Variants in OR56A1 observed in about 807,000 individuals in gnomAD.
The protein encoded by OR56A1 is olfactory receptor family 56 subfamily A member 1, also known as olfactory receptor 56A1.
For synonymous variants in OR56A1, 174 were observed against 159.1 expected (o/e 1.09, Z -0.70); for missense variants, 360 against 380.9 (o/e 0.94, Z 0.46).
Position 6,027,668 on chromosome 11 carries a change from T to C in OR56A1, c.25A>G (p.Thr9Ala), listed in dbSNP as rs369873369. Residue 9 changes from threonine (T) to alanine (A), a missense_variant, in exon 2 of 2, where the codon ACT becomes GCT. Physicochemically the swap from Thr to Ala is moderately conservative, Grantham distance 58. Transcript: ENST00000641900. MASPSNSS[T>A]VPVSEFLLIC... ...AGGAGGAATTCAGAGACTGGGACAG[T>C]GGAGCTGTTGCTGGGTGACGCCATA... 40 of 1,599,346 alleles carry C rather than the reference T, an allele frequency of 2.5e-5. No homozygotes were observed. Among genetic ancestry groups the C allele is most frequent in the Middle Eastern group, 3.4e-4 (2 of 5,968 alleles).
rs767482514 is a variant in OR56A1 at position 6,027,093 on chromosome 11, G to C, written c.600C>G (p.Ile200Met). 1.3e-5 allele frequency: 21 copies of C among 1,614,084 alleles called. No homozygotes were observed. The highest frequency in any genetic ancestry group is 5.0e-5 in the Admixed American group (3 of 60,012). ...LSCDNFTLNR[I>M]YQFVAGWTLL... ...AGGTCCAACCAGCCACAAATTGGTA[G>C]ATTCTGTTAAGGGTGAAATTATCAC... Residue 200 changes from isoleucine (I) to methionine (M), a missense_variant, in exon 2 of 2, where the codon ATC (isoleucine) becomes ATG (methionine). Coordinates refer to ENST00000641900, the MANE Select transcript of OR56A1 (RefSeq NM_001388488.1).
chr11:6,021,229 C>T lies in OR56A1; in HGVS notation c.*5519G>A, dbSNP rs1386469308. 5 of 151,928 alleles carry T rather than the reference C, an allele frequency of 3.3e-5. No homozygotes were observed. Among genetic ancestry groups the T allele is most frequent in the African/African-American group, 1.2e-4 (5 of 41,386 alleles). 9.4% of individuals were successfully genotyped at this position (151,928 alleles called of 1,614,324 possible). ...TCGAGGGGGTTTATTGCCAAAGAAA[C>T]ATGAACTTGACTTTTGAAGAAAGTT... On this transcript the variant is annotated 3_prime_UTR_variant, in exon 2 of 2. Transcript: ENST00000641900.
In OR56A1 at chr11:6,024,287, C is replaced by T. The variant is rs1197747476; in HGVS notation, c.*2461G>A. 1.3e-5 allele frequency: 2 copies of T among 152,248 alleles called. No individual in the cohort carries two copies. Among genetic ancestry groups the T allele is most frequent in the South Asian group, 2.1e-4 (1 of 4,834 alleles). 9.4% of individuals were successfully genotyped at this position (152,248 alleles called of 1,614,324 possible). A position where few individuals can be genotyped will look rare whatever the true frequency, so the allele number is the denominator to read the frequency against. On this transcript the variant is annotated 3_prime_UTR_variant, in exon 2 of 2. Transcript: ENST00000641900. ...TCCCTCCATCCTTTACAAATCCCTACAACAAAGTTGGTAGTTTCTATCCCT... is the reference window on the plus strand; with the variant it reads ...TCCCTCCATCCTTTACAAATCCCTATAACAAAGTTGGTAGTTTCTATCCCT...
In OR56A1 at chr11:6,027,488, G is replaced by C; in HGVS notation, c.205C>G (p.Leu69Val). The C allele has an allele frequency of 6.2e-7, 1 of 1,614,178 alleles. No individual in the cohort carries two copies. The highest frequency in any genetic ancestry group is 2.2e-5 in the East Asian group (1 of 44,878). The change falls in exon 2 of 2, where the codon CTC becomes GTC. Residue 69 changes from leucine to valine, a missense_variant. By Grantham distance (32) the Leu-to-Val change is conservative. Coordinates refer to ENST00000641900, the MANE Select transcript of OR56A1 (RefSeq NM_001388488.1). Reference protein sequence around the residue: ...HQPLYYLLSLLSLLDIVLCLT... With the variant: ...HQPLYYLLSLVSLLDIVLCLT... ...CAGAGCACGATGTCCAGCAGGGAGA[G>C]GAGGCTGAGCAGGTAGTACAGGGGC...
At position 6,021,642 on chromosome 11, in the gene OR56A1, T is replaced by C. The variant is rs978241163; in HGVS notation, c.*5106A>G. ...GTCACATTGTTCGATGCCTGCTTCA[T>C]TTAGGATAATGGGAACATTAATAAA... On this transcript the variant is annotated 3_prime_UTR_variant, in exon 2 of 2. Transcript: ENST00000641900. The C allele has an allele frequency of 2.0e-5, 3 of 151,624 alleles. No homozygotes were observed. Among genetic ancestry groups the C allele is most frequent in the African/African-American group, 7.3e-5 (3 of 41,342 alleles). 9.4% of individuals were successfully genotyped at this position (151,624 alleles called of 1,614,324 possible).
intron 1 of OR56A1, among the ~76,000 whole-genome samples, chr11:6,029,286 A>G (rs1848489964): frequency 6.6e-6 from 1 of 152,194 alleles, no homozygotes; most frequent in African/African-American, 2.4e-5. Context: ...AAATTTATAT[A>G]AAATTTTGTA....
Position 6,027,368 on chromosome 11 carries a change from T to C in OR56A1, c.325A>G (p.Ser109Gly), listed in dbSNP as rs1420173267. Residue 109 changes from serine to glycine, a missense_variant, in exon 2 of 2, where the codon AGT (serine) becomes GGT (glycine). Physicochemically the swap from Ser to Gly is moderately conservative, Grantham distance 56. Coordinates refer to ENST00000641900, the MANE Select transcript of OR56A1 (RefSeq NM_001388488.1). ...GTGCAGGACTCCATGGGGAGGAAAC[T>C]GTTCATGATGAACATCTGGAGGAAG... ...ACFLQMFIMNSFLPMESCTFM... is the reference protein window; with the variant it reads ...ACFLQMFIMNGFLPMESCTFM... 1.2e-6 allele frequency: 2 copies of C among 1,614,130 alleles called. No individual in the cohort carries two copies. The highest frequency in any genetic ancestry group is 1.1e-5 in the South Asian group (1 of 91,090).
At position 6,027,596 on chromosome 11, in the gene OR56A1, G is replaced by A. The variant is rs758522384; in HGVS notation, c.97C>T (p.Pro33Ser). The change falls in exon 2 of 2, where the codon CCC becomes TCC. Residue 33 changes from proline to serine, a missense_variant. Coordinates refer to ENST00000641900, the MANE Select transcript of OR56A1 (RefSeq NM_001388488.1). ...GCCAGGAGGAAGAGAAGGCTGAGGGGCAGGGAGAGCCAGTGCTGCCAACTC... is the reference window on the plus strand; with the variant it reads ...GCCAGGAGGAAGAGAAGGCTGAGGGACAGGGAGAGCCAGTGCTGCCAACTC... ...FQSWQHWLSLPLSLLFLLAMG... is the reference protein window; with the variant it reads ...FQSWQHWLSLSLSLLFLLAMG... 5.7e-5 allele frequency: 92 copies of A among 1,614,008 alleles called. No individual in the cohort carries two copies. The highest frequency in any genetic ancestry group is 7.7e-5 in the Non-Finnish European group (91 of 1,179,992).
Position 6,027,393 on chromosome 11 carries a change from G to C in OR56A1, c.300C>G (p.Cys100Trp), listed in dbSNP as rs1848463993. 1.2e-6 allele frequency: 2 copies of C among 1,614,236 alleles called. No individual in the cohort carries two copies. The highest frequency in any genetic ancestry group is 1.3e-5 in the African/African-American group (1 of 75,066). Residue 100 changes from cysteine (C) to tryptophan (W), a missense_variant, in exon 2 of 2, where the codon TGC (cysteine) becomes TGG (tryptophan). Coordinates refer to ENST00000641900, the MANE Select transcript of OR56A1 (RefSeq NM_001388488.1). ...TGTTCATGATGAACATCTGGAGGAA[G>C]CAGGCAGGGAAGCTGATCGACCTAA... Reference protein sequence around the residue: ...YDLRSISFPACFLQMFIMNSF... With the variant: ...YDLRSISFPAWFLQMFIMNSF...
In OR56A1 at chr11:6,023,301, C is replaced by T. The variant is rs1229722828; in HGVS notation, c.*3447G>A. On this transcript the variant is annotated 3_prime_UTR_variant, in exon 2 of 2. Coordinates refer to ENST00000641900, the MANE Select transcript of OR56A1 (RefSeq NM_001388488.1). ...AACTCTCACTGCCTAGAATATACACCAAAGCATAATAAAGTATCAGGATGG... is the reference window on the plus strand; with the variant it reads ...AACTCTCACTGCCTAGAATATACACTAAAGCATAATAAAGTATCAGGATGG... The T allele has an allele frequency of 6.6e-6, 1 of 152,152 alleles. No individual in the cohort carries two copies. The highest frequency in any genetic ancestry group is 1.5e-5 in the Non-Finnish European group (1 of 68,030). 9.4% of individuals were successfully genotyped at this position (152,152 alleles called of 1,614,324 possible).
chr11:6,032,128 G>C (rs780113547), upstream of OR56A1, among the ~76,000 whole-genome samples: 1 of 152,168 alleles, frequency 6.6e-6, no homozygotes, highest in African/African-American at 2.4e-5. Flanking sequence ...GGTAGCAACA[G>C]AAACCAGAAT....
rs769288072 is a variant in OR56A1, at chr11:6,027,066, C to G, written c.627G>C (p.Leu209Phe). 1 of 1,614,216 alleles carries G rather than the reference C, an allele frequency of 6.2e-7. No individual in the cohort carries two copies. The highest frequency in any genetic ancestry group is 8.5e-7 in the Non-Finnish European group (1 of 1,180,036). The change falls in exon 2 of 2, where the codon TTG becomes TTC. Residue 209 changes from leucine to phenylalanine, a missense_variant. By Grantham distance (22) the Leu-to-Phe change is conservative. Coordinates refer to ENST00000641900, the MANE Select transcript of OR56A1 (RefSeq NM_001388488.1). ...RIYQFVAGWT[L>F]LGSDLFLIFL... is the part of the protein sequence containing the mutation. The stretch of plus-strand genomic sequence containing the variant: ...AGATGAGGAATAAATCTGAGCCCAG[C>G]AAGGTCCAACCAGCCACAAATTGGT...
Position 6,027,701 on chromosome 11 carries a change from T to C in OR56A1, c.-9A>G, listed in dbSNP as rs373854422. 1.3e-6 allele frequency: 2 copies of C among 1,568,920 alleles called. No homozygotes were observed. The highest frequency in any genetic ancestry group is 2.7e-5 in the African/African-American group (2 of 73,736). Reference sequence around the variant, plus strand: ...TTGCTGGGTGACGCCATAGGCTGAATCATGAGCTGAGTAGGCTTCTGATGA... The same window carrying C: ...TTGCTGGGTGACGCCATAGGCTGAACCATGAGCTGAGTAGGCTTCTGATGA... On this transcript the variant is annotated 5_prime_UTR_variant, in exon 2 of 2. Transcript: ENST00000641900.
chr11:6,026,664 CACTA>C lies in OR56A1; in HGVS notation c.*80_*83del. On this transcript the variant is annotated 3_prime_UTR_variant, in exon 2 of 2. Coordinates refer to ENST00000641900, the MANE Select transcript of OR56A1 (RefSeq NM_001388488.1). ...AGCCTCAGTGCATGCAATAAACACT[CACTA>C]ACTGACATTTCTCTACTTCGCTGCC... 3.6e-6 allele frequency: 3 copies of C among 826,896 alleles called. No individual in the cohort carries two copies. 51.2% of individuals were successfully genotyped at this position (826,896 alleles called of 1,614,324 possible).
rs1380630308 is a variant in OR56A1 at position 6,027,732 on chromosome 11, T to A, written c.-34-6A>T. 4.9e-6 allele frequency: 7 copies of A among 1,441,120 alleles called. No homozygotes were observed. The highest frequency in any genetic ancestry group is 6.6e-6 in the Non-Finnish European group (7 of 1,062,422). The allele number at this position is 1,441,120 out of a possible 1,614,324, so 89.3% of individuals were successfully genotyped here. ...GCTGAGTAGGCTTCTGATGACTATGTTTATGGGCAGATACAAGAGGTTATT... is the reference window on the plus strand; with the variant it reads ...GCTGAGTAGGCTTCTGATGACTATGATTATGGGCAGATACAAGAGGTTATT... On this transcript the variant is annotated splice_polypyrimidine_tract_variant and splice_region_variant and intron_variant, in intron 1 of 1. Coordinates refer to ENST00000641900, the MANE Select transcript of OR56A1 (RefSeq NM_001388488.1).
At chr11:6,032,611 A>G (rs1564817669), upstream of OR56A1, among the ~76,000 whole-genome samples, 1 of 152,136 alleles carries the variant, frequency 6.6e-6, no homozygotes, top group Non-Finnish European at 1.5e-5. Flanking sequence ...GCTGAGGGGC[A>G]GTTCTGATCA....
In OR56A1 at chr11:6,027,306, G is replaced by T; in HGVS notation, c.387C>A (p.Ile129=). 1.2e-6 allele frequency: 2 copies of T among 1,614,226 alleles called. No homozygotes were observed. Among genetic ancestry groups the T allele is most frequent in the East Asian group, 2.2e-5 (1 of 44,886 alleles). The change falls in exon 2 of 2, where the codon ATC becomes ATA. Residue 129 remains isoleucine, a synonymous_variant. Transcript: ENST00000641900. ...TGGATGGGTACCGCAGTGGGTGGCAGATGGCCACATAACGGTCATAGGCCA... is the reference window on the plus strand; with the variant it reads ...TGGATGGGTACCGCAGTGGGTGGCATATGGCCACATAACGGTCATAGGCCA... The part of the protein sequence containing the change: ...MVMAYDRYVA[I]CHPLRYPSII...
rs139301829 is a variant in OR56A1, at chr11:6,026,986, G to A, written c.707C>T (p.Ala236Val). Reference sequence around the variant, plus strand: ...ACATGTGCTCAGGGCCTTCACTGCCGCCCCCTCTGCTTTGAATCTAAGCAC... The same window carrying A: ...ACATGTGCTCAGGGCCTTCACTGCCACCCCCTCTGCTTTGAATCTAAGCAC... Reference protein sequence around the residue: ...RAVLRFKAEGAAVKALSTCGS... With the variant: ...RAVLRFKAEGVAVKALSTCGS... The change falls in exon 2 of 2, where the codon GCG (alanine) becomes GTG (valine). Residue 236 changes from alanine (A) to valine (V), a missense_variant. By Grantham distance (64) the Ala-to-Val change is moderately conservative (BLOSUM62 0). Transcript: ENST00000641900. 5.0e-5 allele frequency: 81 copies of A among 1,613,670 alleles called. No individual in the cohort carries two copies. Among genetic ancestry groups the A allele is most frequent in the African/African-American group, 1.6e-4 (12 of 75,032 alleles).
At position 6,023,045 on chromosome 11, in the gene OR56A1, A is replaced by G. The variant is rs538841232; in HGVS notation, c.*3703T>C. On this transcript the variant is annotated 3_prime_UTR_variant, in exon 2 of 2. Coordinates refer to ENST00000641900, the MANE Select transcript of OR56A1 (RefSeq NM_001388488.1). ...TGTTAAATTAATCACTCAAGTCCCT[A>G]TGTGCCCTATGAGCAGGAAGTACAG... The G allele has an allele frequency of 7.2e-5, 11 of 152,308 alleles. No homozygotes were observed. In the East Asian group the frequency reaches 1.9e-3, roughly 27 times the overall value. The allele number at this position is 152,308 out of a possible 1,614,324, so 9.4% of individuals were successfully genotyped here.
Sources: allele counts gnomAD v4.1 joint callset (sites outside exome capture counted in the v4.1 genomes callset), GRCh38; gene constraint gnomAD v4.1.1; transcripts MANE v1.5; gene names NCBI Gene and HGNC (gene_info 2026-07-23, HGNC 2026-07-21).